Variants in ETV6 observed in about 807,000 individuals in gnomAD.
ETV6 encodes the protein transcription factor ETV6.
Under a neutral mutation model 51.1 loss-of-function variants are expected in ETV6, and 16 were observed. The ratio of observed to expected loss-of-function variants is 0.31; its 90% confidence interval spans 0.21 to 0.48. The LOEUF is 0.48. Among genes scored for constraint, ETV6 ranks in the 20% least tolerant of loss-of-function variants. The pLI is 0.99. For synonymous variants in ETV6, 240 were observed against 224.1 expected (o/e 1.07, Z -0.64); for missense variants, 458 against 594.8 (o/e 0.77, Z 2.39).
chr12:11,807,610 T>C (rs904636123), intron 2 of ETV6, among the ~76,000 whole-genome samples: 12 of 152,148 alleles, frequency 7.9e-5, no homozygotes, highest in Non-Finnish European at 1.8e-4. Context: ...CATAATAAAA[T>C]AATATGTAAA....
chr12:11,869,921 T>C lies in ETV6; in HGVS notation c.961T>C (p.Ser321Pro), dbSNP rs1946855665. The C allele has an allele frequency of 6.2e-7, 1 of 1,611,306 alleles. No individual in the cohort carries two copies. Among genetic ancestry groups the C allele is most frequent in the Non-Finnish European group, 8.5e-7 (1 of 1,179,996 alleles). ...DLAYMNHIMV[S>P]VSPPEEHAMP... is the part of the protein sequence containing the mutation. ...GGCTTACATGAACCACATCATGGTC[T>C]CTGTCTCCCCGCCTGAAGAGCACGC... is the stretch of plus-strand genomic sequence containing the variant. The change falls in exon 5 of 8, where the codon TCT becomes CCT. Residue 321 changes from serine (S) to proline (P), a missense_variant. By Grantham distance (74) the Ser-to-Pro change is moderately conservative. Around this residue, in one of 4 missense-constraint regions of ETV6, gnomAD observed 293 missense variants for 315.7 expected, o/e 0.93. Coordinates refer to ENST00000396373, the MANE Select transcript of ETV6 (RefSeq NM_001987.5). This position sits in a 1 kb window ranked among gnomAD's most constrained non-coding sequence, Gnocchi z 5.0.
At chr12:11,666,135 TC>T (rs1864189826) in intron 1 of ETV6, among the ~76,000 whole-genome samples, 1 of 151,960 alleles carries the variant, frequency 6.6e-6, no homozygotes. Flanking sequence ...TGCCAGTTGC[TC>T]CCCCACCCCA....
chr12:11,744,770 G>A (rs1865875579), intron 1 of ETV6, among the ~76,000 whole-genome samples: 1 of 152,144 alleles, frequency 6.6e-6, no homozygotes, highest in South Asian at 2.1e-4. Context: ...TTGCCTGCGT[G>A]TACATCCACA....
intron 2 of ETV6, among the ~76,000 whole-genome samples, chr12:11,819,334 T>G (rs983606904): frequency 6.6e-6 from 1 of 152,200 alleles, no homozygotes; most frequent in Non-Finnish European, 1.5e-5. Context: ...TTGTCCCCGG[T>G]CTTGTCCCCT....
At chr12:11,780,748 CAG>C (rs1294127731) in intron 2 of ETV6, among the ~76,000 whole-genome samples, 31 of 152,338 alleles carry the variant, frequency 2.0e-4, no homozygotes, top group African/African-American at 7.5e-4. Context: ...TTCCAGGGAA[CAG>C]GGGAGAAAGC....
rs12318734 is a variant in ETV6 at position 11,727,268 on chromosome 12, C to T, written c.34-25182C>T. ...GAAGAGAGCACAGTACAGGAGAAAC[C>T]TTATATAACGCAGACATGCCCGGCA... On this transcript the variant is annotated intron_variant, in intron 1 of 7. Transcript: ENST00000396373. 8.1e-3 allele frequency among the ~76,000 whole-genome samples: 1,240 copies of T among 152,348 alleles called. 16 individuals are homozygous for T. Among genetic ancestry groups the T allele is most frequent in the African/African-American group, 0.028 (1,164 of 41,576 alleles).
chr12:11,826,135 C>T (rs1946150312), intron 2 of ETV6, among the ~76,000 whole-genome samples: 1 of 152,126 alleles, frequency 6.6e-6, no homozygotes, highest in East Asian at 1.9e-4. Flanking sequence ...AGGACCTGGC[C>T]AACAGCATGC....
chr12:11,702,804 A>G (rs576871867), intron 1 of ETV6, among the ~76,000 whole-genome samples: 1 of 152,202 alleles, frequency 6.6e-6, no homozygotes. Flanking sequence ...AGAAGAAAAA[A>G]TGAATTTACT....
chr12:11,746,692 A>G (rs1485758628), intron 1 of ETV6, among the ~76,000 whole-genome samples: 1 of 151,760 alleles, frequency 6.6e-6, no homozygotes, highest in Non-Finnish European at 1.5e-5. Flanking sequence ...CCCTTGATGG[A>G]TGCTGAAATA....
At chr12:11,676,310 C>T (rs1263377779) in intron 1 of ETV6, among the ~76,000 whole-genome samples, 2 of 152,214 alleles carry the variant, frequency 1.3e-5, no homozygotes, top group Non-Finnish European at 2.9e-5. Flanking sequence ...GGATCATCCA[C>T]TCTGCCTCTC....
intron 1 of ETV6, among the ~76,000 whole-genome samples, chr12:11,715,260 G>C (rs988110120): frequency 2.0e-5 from 3 of 152,102 alleles, no homozygotes; most frequent in Non-Finnish European, 4.4e-5. Flanking sequence ...TCTTTTCTTA[G>C]AGCCTTGAGT....
intron 1 of ETV6, among the ~76,000 whole-genome samples, chr12:11,679,030 T>A (rs568098744): frequency 6.6e-6 from 1 of 152,178 alleles, no homozygotes; most frequent in Admixed American, 6.5e-5. Context: ...AGAAATAATG[T>A]GTAATCTGGG....
chr12:11,860,462 G>A (rs912265909), intron 4 of ETV6, among the ~76,000 whole-genome samples: 1 of 151,838 alleles, frequency 6.6e-6, no homozygotes, highest in Non-Finnish European at 1.5e-5. Context: ...TGGGTCTCAG[G>A]TCTCTACCTG....
intron 2 of ETV6, among the ~76,000 whole-genome samples, chr12:11,776,539 C>T (rs1945328271): frequency 6.6e-6 from 1 of 152,058 alleles, no homozygotes; most frequent in Non-Finnish European, 1.5e-5. Context: ...GCCACCACAC[C>T]CAGCCAGAAT....
chr12:11,871,173 T>G (rs1383980420), intron 5 of ETV6, among the ~76,000 whole-genome samples: 2 of 151,190 alleles, frequency 1.3e-5, no homozygotes, highest in Admixed American at 1.3e-4. Flanking sequence ...AAGCCTACTT[T>G]ACTTCTGCCT....
At chr12:11,722,987 A>G (rs557928303) in intron 1 of ETV6, among the ~76,000 whole-genome samples, 3 of 152,146 alleles carry the variant, frequency 2.0e-5, no homozygotes, top group Non-Finnish European at 4.4e-5. Flanking sequence ...GGTTCCAGGG[A>G]CCGCACTTTA....
chr12:11,805,811 A>C (rs549642509), intron 2 of ETV6, among the ~76,000 whole-genome samples: 1 of 152,356 alleles, frequency 6.6e-6, no homozygotes, highest in Admixed American at 6.5e-5. Context: ...TCCTAAGAGC[A>C]ACAAGCATCC....
intron 1 of ETV6, among the ~76,000 whole-genome samples, chr12:11,697,837 G>T (rs1864906117): frequency 6.6e-6 from 1 of 152,054 alleles, no homozygotes; most frequent in African/African-American, 2.4e-5. Flanking sequence ...TCTAATCTGG[G>T]CATCTGACTT....
intron 2 of ETV6, among the ~76,000 whole-genome samples, chr12:11,755,500 G>A (rs1295653988): frequency 6.6e-6 from 1 of 152,062 alleles, no homozygotes; most frequent in Non-Finnish European, 1.5e-5. Context: ...CCCTCAGCTG[G>A]GACTTTCCAA....
Sources: allele counts gnomAD v4.1 joint callset (sites outside exome capture counted in the v4.1 genomes callset), GRCh38; gene constraint gnomAD v4.1.1; regional missense constraint gnomAD v4.1.1; non-coding constraint Gnocchi (gnomAD v3.1); transcripts MANE v1.5; gene names NCBI Gene and HGNC (gene_info 2026-07-23, HGNC 2026-07-21).